RAPGEF5: variants seen among roughly 807,000 people sequenced by gnomAD.
RAPGEF5 encodes the protein Rap guanine nucleotide exchange factor 5, also known as M-Ras-regulated GEF.
In RAPGEF5, 65 loss-of-function variants were observed where a neutral mutation model predicts 125.2. That is an observed-to-expected ratio of 0.52 (90% CI 0.43 to 0.64). The LOEUF is 0.64. RAPGEF5 is among the 30% of genes least tolerant of loss of function. RAPGEF5 has a pLI of 0.00. For synonymous variants in RAPGEF5, 391 were observed against 385.9 expected (o/e 1.01, Z -0.16); for missense variants, 958 against 1,048.1 (o/e 0.91, Z 1.19).
chr7:22,159,903 G>A (rs1189518199), intron 14 of RAPGEF5, among the ~76,000 whole-genome samples: 1 of 152,252 alleles, frequency 6.6e-6, no homozygotes, highest in East Asian at 1.9e-4. Context: ...GAGGTTGGGA[G>A]TTCAAGACCA....
chr7:22,148,812 G>C (rs1783526712), intron 18 of RAPGEF5, among the ~76,000 whole-genome samples: 1 of 152,212 alleles, frequency 6.6e-6, no homozygotes, highest in Admixed American at 6.5e-5. Context: ...AGGAGGCATA[G>C]AGGATATTCA....
At chr7:22,345,987 G>T (rs1333928304) in intron 1 of RAPGEF5, among the ~76,000 whole-genome samples, 1 of 152,038 alleles carries the variant, frequency 6.6e-6, no homozygotes, top group Non-Finnish European at 1.5e-5. Flanking sequence ...TGCTCCCTCT[G>T]CTAATGCATT....
At chr7:22,269,834 C>T (rs529132896) in intron 6 of RAPGEF5, among the ~76,000 whole-genome samples, 1 of 152,158 alleles carries the variant, frequency 6.6e-6, no homozygotes, top group Non-Finnish European at 1.5e-5. Context: ...CTGACCACAA[C>T]CTCCTGAGAC....
intron 8 of RAPGEF5, chr7:22,220,271 G>T (rs73683330): frequency 0.027 from 7,521 of 277,404 alleles, 538 homozygotes; most frequent in African/African-American, 0.15. Context: ...CGCCTGATAG[G>T]CTCCTGTTTG....
intron 9 of RAPGEF5, among the ~76,000 whole-genome samples, chr7:22,197,692 G>A (rs759173096): frequency 1.3e-5 from 2 of 151,956 alleles, no homozygotes; most frequent in African/African-American, 4.8e-5. Flanking sequence ...TTCTGTCCCC[G>A]CCTTGCCCAA....
chr7:22,307,047 T>C (rs746983824), intron 5 of RAPGEF5, among the ~76,000 whole-genome samples: 1 of 152,198 alleles, frequency 6.6e-6, no homozygotes, highest in Non-Finnish European at 1.5e-5. Context: ...TCTTTTGTGG[T>C]TTCATATAAA....
chr7:22,341,873 CT>C (rs1313150751), intron 1 of RAPGEF5, among the ~76,000 whole-genome samples: 9 of 152,188 alleles, frequency 5.9e-5, no homozygotes, highest in Non-Finnish European at 1.3e-4. Context: ...ATGTCTATGG[CT>C]TTTCCAGGGG....
intron 11 of RAPGEF5, among the ~76,000 whole-genome samples, chr7:22,191,913 A>C (rs1182891002): frequency 1.3e-5 from 2 of 152,244 alleles, no homozygotes; most frequent in African/African-American, 4.8e-5. Flanking sequence ...AAAGTCTTGC[A>C]CTATAGAACT....
rs773454196 is a variant in RAPGEF5 at position 22,125,499 on chromosome 7, G to A, written c.2536+105C>T. ...ACAATATGCGTATGTATATACATAT[G>A]ATACTTTTCAATCTGTTTAAATTGA... On this transcript the variant is annotated intron_variant, in intron 25 of 25. Transcript: ENST00000665637. 4.9e-5 allele frequency: 53 copies of A among 1,076,558 alleles called. 1 individual carries two copies. In the South Asian group the frequency reaches 6.5e-4, roughly 13 times the overall value. 66.7% of individuals were successfully genotyped at this position (1,076,558 alleles called of 1,614,324 possible).
At chr7:22,157,728 C>T in intron 15 of RAPGEF5, 127 bp downstream of exon 15, 1 of 1,023,284 alleles carries the variant, frequency 9.8e-7, no homozygotes, top group African/African-American at 1.6e-5. Flanking sequence ...GCTGCAGCCC[C>T]AGGCGCCCCG....
At chr7:22,156,231 T>C (rs980374214) in intron 16 of RAPGEF5, among the ~76,000 whole-genome samples, 1 of 152,246 alleles carries the variant, frequency 6.6e-6, no homozygotes, top group African/African-American at 2.4e-5. Flanking sequence ...GCTCTGTGCT[T>C]GACTCAATCT....
intron 5 of RAPGEF5, among the ~76,000 whole-genome samples, chr7:22,293,269 ACCCACATGGGTACCTTACAGGC>A (rs1327046709): frequency 1.3e-5 from 2 of 151,900 alleles, no homozygotes; most frequent in African/African-American, 4.8e-5. Flanking sequence ...CTTTATTTTC[ACCCACATGGGTACCTTACAGGC>A]TAACTCAACC....
intron 21 of RAPGEF5, among the ~76,000 whole-genome samples, chr7:22,139,571 T>G (rs1159448295): frequency 6.6e-6 from 1 of 152,266 alleles, no homozygotes; most frequent in Non-Finnish European, 1.5e-5. Flanking sequence ...TCTGAAACTT[T>G]AGAACGTTTT....
At chr7:22,194,575 CATTCA>C (rs1312502430) in intron 9 of RAPGEF5, 1 of 983,812 alleles carries the variant, frequency 1.0e-6, no homozygotes. Flanking sequence ...CCCACTCCAT[CATTCA>C]ATTCAATTTT....
At chr7:22,171,410 T>TA (rs1203240970) in intron 11 of RAPGEF5, among the ~76,000 whole-genome samples, 2 of 152,200 alleles carry the variant, frequency 1.3e-5, no homozygotes, top group African/African-American at 2.4e-5. Context: ...ACACTCTGAG[T>TA]AAAAAAAGTA....
intron 7 of RAPGEF5, among the ~76,000 whole-genome samples, chr7:22,255,255 G>A (rs917687794): frequency 4.6e-5 from 7 of 151,976 alleles, no homozygotes; most frequent in African/African-American, 1.7e-4. Flanking sequence ...TCTCTTATCC[G>A]TTCTAGCCTC....
At chr7:22,149,884 T>C (rs972143757) in intron 18 of RAPGEF5, among the ~76,000 whole-genome samples, 1 of 152,120 alleles carries the variant, frequency 6.6e-6, no homozygotes, top group Non-Finnish European at 1.5e-5. Context: ...TAGAAAGGGT[T>C]TCACTTAGGC....
intron 10 of RAPGEF5, chr7:22,193,661 T>C: frequency 6.4e-7 from 1 of 1,550,720 alleles, no homozygotes; most frequent in South Asian, 1.2e-5. Context: ...GAGCTGCCCA[T>C]TGTGAACGGT....
intron 9 of RAPGEF5, among the ~76,000 whole-genome samples, chr7:22,211,021 G>A (rs372984861): frequency 6.6e-5 from 10 of 152,066 alleles, no homozygotes; most frequent in East Asian, 1.9e-4. Context: ...AGTAAAATAC[G>A]CATATTTAGC....
Sources: gnomAD v4.1 joint callset for allele counts (sites outside exome capture counted in the v4.1 genomes callset) on GRCh38, gnomAD v4.1.1 for gene constraint, MANE v1.5 for transcripts, NCBI Gene and HGNC (gene_info 2026-07-23, HGNC 2026-07-21) for gene names.